BRSK2: variants seen among roughly 807,000 people sequenced by gnomAD.
BRSK2 encodes serine/threonine-protein kinase BRSK2.
In BRSK2, 19 loss-of-function variants were observed where a neutral mutation model predicts 83.3. That is an observed-to-expected ratio of 0.23 (90% CI 0.16 to 0.33). The LOEUF is 0.33. Ranked by LOEUF, BRSK2 falls within the 10% of genes least tolerant of loss-of-function variation. The pLI is 1.00. For synonymous variants in BRSK2, 519 were observed against 435.4 expected (o/e 1.19, Z -2.39); for missense variants, 798 against 1,042.3 (o/e 0.77, Z 3.23).
At chr11:1,425,751 C>A (rs1052824553) in intron 1 of BRSK2, among the ~76,000 whole-genome samples, 3 of 152,194 alleles carry the variant, frequency 2.0e-5, no homozygotes, top group Non-Finnish European at 2.9e-5. Context: ...CTTTGGGAAC[C>A]CACCCCCTTC....
intron 18 of BRSK2, among the ~76,000 whole-genome samples, chr11:1,457,327 GC>G (rs1292571226): frequency 6.6e-6 from 1 of 152,208 alleles, no homozygotes; most frequent in South Asian, 2.1e-4. Flanking sequence ...CTTCCTGACA[GC>G]CCAGGGTCAT....
intron 8 of BRSK2, 66 bp downstream of exon 8, chr11:1,443,701 T>TGTGTGTGCACAG: frequency 6.8e-7 from 1 of 1,460,780 alleles, no homozygotes; most frequent in Non-Finnish European, 9.0e-7. Context: ...GGCGTGTGCC[T>TGTGTGTGCACAG]GTGTGTGCAC....
At chr11:1,447,759 C>T (rs1852351560) in intron 12 of BRSK2, 3 of 1,580,210 alleles carry the variant, frequency 1.9e-6, no homozygotes, top group Non-Finnish European at 2.6e-6. Context: ...CCGCGTGTGG[C>T]CGTCAGTAAC....
chr11:1,446,594 C>G (rs1393343502), intron 12 of BRSK2, among the ~76,000 whole-genome samples: 1 of 152,138 alleles, frequency 6.6e-6, no homozygotes, highest in Non-Finnish European at 1.5e-5. Context: ...CCAGGGACAT[C>G]ACAGAACTCA....
At chr11:1,460,461 CTT>C (rs398015179) in intron 19 of BRSK2, 37 bp from the exon 20 acceptor site, 24,515 of 534,858 alleles carry the variant, frequency 0.046, 33 homozygotes, top group East Asian at 0.062. Context: ...TTCTTTTTTC[CTT>C]TTTTTTTTTT....
intron 1 of BRSK2, among the ~76,000 whole-genome samples, chr11:1,400,371 A>AC (rs1278167831): frequency 1.3e-5 from 2 of 151,926 alleles, no homozygotes; most frequent in Admixed American, 6.6e-5. Context: ...TGGTTGGGGG[A>AC]CCCCACTTGG....
At position 1,454,196 on chromosome 11, in the gene BRSK2, C is replaced by A; in HGVS notation, c.1545-289C>A. The A allele has an allele frequency of 9.8e-6, 2 of 203,904 alleles. No homozygotes were observed. The highest frequency in any genetic ancestry group is 1.5e-4 in the Admixed American group (2 of 13,350). 12.6% of individuals were successfully genotyped at this position (203,904 alleles called of 1,614,324 possible). Reference sequence around the variant, plus strand: ...TGTGGGGGGCTCACCTGTGGAGGGGCATCCCCAGACTTGGGAGTGGGTGGC... The same window carrying A: ...TGTGGGGGGCTCACCTGTGGAGGGGAATCCCCAGACTTGGGAGTGGGTGGC... On this transcript the variant is annotated intron_variant, in intron 15 of 19. Transcript: ENST00000528841. The surrounding 1 kb of genome is among the most constrained non-coding windows in gnomAD (Gnocchi z 5.2).
chr11:1,416,068 G>A (rs1590386142), intron 1 of BRSK2, among the ~76,000 whole-genome samples: 2 of 152,272 alleles, frequency 1.3e-5, no homozygotes, highest in South Asian at 4.1e-4. Context: ...CCTGGTGCAC[G>A]GGGACCTTTG....
chr11:1,440,745 G>T, intron 3 of BRSK2, 43 bp from the exon 4 acceptor site: 3 of 1,535,674 alleles, frequency 2.0e-6, no homozygotes, highest in Non-Finnish European at 2.6e-6. Context: ...GAGGGGCGGC[G>T]GGCAGCCACA....
At chr11:1,440,286 C>T (rs1297476663) in intron 3 of BRSK2, among the ~76,000 whole-genome samples, 1 of 152,172 alleles carries the variant, frequency 6.6e-6, no homozygotes, top group South Asian at 2.1e-4. Flanking sequence ...TCACCCCCTT[C>T]CCCTGGCCCT....
intron 1 of BRSK2, among the ~76,000 whole-genome samples, chr11:1,413,450 T>C (rs7102279): frequency 0.71 from 107,796 of 152,112 alleles, 38,730 homozygotes; most frequent in Non-Finnish European, 0.76. Context: ...TGTCCAGCCC[T>C]GAGGGCCCTG....
rs548771530 is a variant in BRSK2, at chr11:1,410,624, G to T, written c.91+20249G>T. ...GCTCCGAGTGCAGGGCTCACACTGT[G>T]TCTTTGAGGGCTGGTCACCCACCCA... is the stretch of plus-strand genomic sequence containing the variant. On this transcript the variant is annotated intron_variant, in intron 1 of 19. Transcript: ENST00000528841. 3.0e-6 allele frequency: 3 copies of T among 985,420 alleles called. No homozygotes were observed. In the East Asian group the frequency reaches 3.4e-4, roughly 112 times the overall value. The allele number at this position is 985,420 out of a possible 1,614,324, so 61.0% of individuals were successfully genotyped here. A position where few individuals can be genotyped will look rare whatever the true frequency, so the allele number is the denominator to read the frequency against.
At chr11:1,402,252 G>A (rs2134054811) in intron 1 of BRSK2, among the ~76,000 whole-genome samples, 1 of 152,306 alleles carries the variant, frequency 6.6e-6, no homozygotes, top group African/African-American at 2.4e-5. Context: ...GGCTGTGGTG[G>A]GGTCTGATCC....
chr11:1,417,833 G>T (rs1175921091), intron 1 of BRSK2, among the ~76,000 whole-genome samples: 1 of 142,504 alleles, frequency 7.0e-6, no homozygotes, highest in Non-Finnish European at 1.5e-5. Context: ...GCTTCTGTGG[G>T]CTGTTTCTTC....
intron 3 of BRSK2, among the ~76,000 whole-genome samples, chr11:1,440,175 A>C (rs1040115483): frequency 1.3e-5 from 2 of 152,150 alleles, no homozygotes; most frequent in African/African-American, 2.4e-5. Context: ...GCCTCTCACC[A>C]GGAACCAGCC....
At chr11:1,427,381 T>C (rs1451928302) in intron 1 of BRSK2, among the ~76,000 whole-genome samples, 1 of 152,078 alleles carries the variant, frequency 6.6e-6, no homozygotes, top group Non-Finnish European at 1.5e-5. Flanking sequence ...ACGTGCAGGG[T>C]AGTCCTGGGG....
rs1312049196 is a variant in BRSK2, at chr11:1,462,085, C to A, written c.*1362C>A. The A allele has an allele frequency of 1.3e-5, 2 of 152,152 alleles. No individual in the cohort carries two copies. Among genetic ancestry groups the A allele is most frequent in the African/African-American group, 4.8e-5 (2 of 41,432 alleles). 9.4% of individuals were successfully genotyped at this position (152,152 alleles called of 1,614,324 possible). ...ACGGCAGGGGCACTGTGAGGCTTTT[C>A]TTATTAAAATGAAAAAATTGAAAAA... is the stretch of plus-strand genomic sequence containing the variant. On this transcript the variant is annotated 3_prime_UTR_variant, in exon 20 of 20. Transcript: ENST00000528841.
Position 1,436,080 on chromosome 11 carries a change from G to A in BRSK2, c.132G>A (p.Lys44=). 1 of 1,609,358 alleles carries A rather than the reference G, an allele frequency of 6.2e-7. No homozygotes were observed. The highest frequency in any genetic ancestry group is 8.5e-7 in the Non-Finnish European group (1 of 1,178,230). Residue 44 remains lysine, a synonymous_variant, in exon 2 of 20, where the codon AAG becomes AAA. Coordinates refer to ENST00000528841, the MANE Select transcript of BRSK2 (RefSeq NM_001256627.2). ...KLGVHCVTCQ[K]VAIKIVNREK... The stretch of plus-strand genomic sequence containing the variant: ...GGGTTCACTGCGTCACCTGCCAGAA[G>A]GTGGCCATCAAGATCGTCAACCGTG...
At position 1,443,409 on chromosome 11, in the gene BRSK2, A is replaced by T. The variant is rs772430623; in HGVS notation, c.633+6A>T. On this transcript the variant is annotated splice_donor_region_variant and intron_variant, in intron 7 of 19. Coordinates refer to ENST00000528841, the MANE Select transcript of BRSK2 (RefSeq NM_001256627.2). ...TCCTGTTCGCCTTGCTGGTGGTGAG[A>T]CCCTGGCCCCCTCAACCCTGCCCTG... is the stretch of plus-strand genomic sequence containing the variant. 5.0e-6 allele frequency: 8 copies of T among 1,598,986 alleles called. No homozygotes were observed. The South Asian group carries it at 9.0e-5, about 18-fold the overall frequency.
Sources: gnomAD v4.1 joint callset for allele counts (sites outside exome capture counted in the v4.1 genomes callset) on GRCh38, gnomAD v4.1.1 for gene constraint, Gnocchi (gnomAD v3.1) non-coding constraint, MANE v1.5 for transcripts, NCBI Gene and HGNC (gene_info 2026-07-23, HGNC 2026-07-21) for gene names.